The following FAM53B variants were observed in gnomAD, a reference collection of about 807,000 sequenced individuals.
The protein encoded by FAM53B is protein FAM53B.
In FAM53B, 12 loss-of-function variants were observed where a neutral mutation model predicts 32.7. The ratio of observed to expected loss-of-function variants is 0.37; its 90% CI spans 0.24 to 0.59. The LOEUF is 0.59. FAM53B is among the 20% of genes least tolerant of loss of function. The pLI, the probability that FAM53B is intolerant of heterozygous loss-of-function variation, is 0.72. For missense variants in FAM53B, 477 were observed against 577.7 expected, an observed-to-expected ratio of 0.83 and a Z score of 1.79; for synonymous variants, 234 against 228.7, an observed-to-expected ratio of 1.02 and a Z score of -0.21.
intron 4 of FAM53B, among the ~76,000 whole-genome samples, chr10:124,650,372 G>T (rs1304562885): frequency 6.6e-6 from 1 of 152,194 alleles, no homozygotes; most frequent in Non-Finnish European, 1.5e-5. Flanking sequence ...GACCCTCCAC[G>T]CTGGATGATG....
intron 4 of FAM53B, among the ~76,000 whole-genome samples, chr10:124,658,824 G>A (rs2134055247): frequency 6.6e-6 from 1 of 152,324 alleles, no homozygotes; most frequent in East Asian, 1.9e-4. Flanking sequence ...GTGTCCGCCT[G>A]TCAAAGCTTC....
chr10:124,686,940 C>G (rs186453752), intron 3 of FAM53B, among the ~76,000 whole-genome samples: 34 of 152,336 alleles, frequency 2.2e-4, no homozygotes, highest in Admixed American at 2.0e-3. Context: ...TTGACAGAGT[C>G]ACGTCTAAAA....
intron 4 of FAM53B, among the ~76,000 whole-genome samples, chr10:124,626,437 AG>A (rs1949356410): frequency 9.4e-6 from 1 of 106,164 alleles, no homozygotes; most frequent in Non-Finnish European, 2.0e-5. Flanking sequence ...GGCCTCTGGG[AG>A]GTGATGAGGT....
chr10:124,683,455 G>A (rs1192515008), intron 3 of FAM53B, among the ~76,000 whole-genome samples: 1 of 152,220 alleles, frequency 6.6e-6, no homozygotes, highest in Admixed American at 6.5e-5. Flanking sequence ...AAGAATAGAA[G>A]TGAAACCTGA....
At chr10:124,723,031 T>C (rs928835743) in intron 1 of FAM53B, among the ~76,000 whole-genome samples, 7 of 152,208 alleles carry the variant, frequency 4.6e-5, no homozygotes, top group African/African-American at 1.7e-4. Context: ...CCTCATCTTT[T>C]AGACTCAGCT....
rs146385879 is a variant in FAM53B, at chr10:124,620,703, G to A, written c.*2539C>T. 6.6e-6 allele frequency: 1 copy of A among 152,500 alleles called. No homozygotes were observed. Among genetic ancestry groups the A allele is most frequent in the Non-Finnish European group, 1.5e-5 (1 of 68,252 alleles). The allele number at this position is 152,500 out of a possible 1,614,324, so 9.4% of individuals were successfully genotyped here. ...CTCCGGGCAGTGTGGCAGCTTGGATGATGGGGTGGCACCTTATAGATAGGG... is the reference window on the plus strand; with the variant it reads ...CTCCGGGCAGTGTGGCAGCTTGGATAATGGGGTGGCACCTTATAGATAGGG... On this transcript the variant is annotated 3_prime_UTR_variant, in exon 5 of 5. Transcript: ENST00000337318.
intron 3 of FAM53B, among the ~76,000 whole-genome samples, chr10:124,689,527 G>C (rs145552636): frequency 6.6e-6 from 1 of 152,322 alleles, no homozygotes; most frequent in African/African-American, 2.4e-5. Flanking sequence ...CAGCAACACA[G>C]GACACCAAGT....
chr10:124,719,518 TTCC>T (rs773050085), intron 1 of FAM53B, among the ~76,000 whole-genome samples: 6 of 152,168 alleles, frequency 3.9e-5, no homozygotes, highest in Non-Finnish European at 7.3e-5. Context: ...AGTAATCATC[TTCC>T]TCGTTAGAAA....
At chr10:124,683,814 C>T (rs919118864) in intron 3 of FAM53B, among the ~76,000 whole-genome samples, 2 of 152,230 alleles carry the variant, frequency 1.3e-5, no homozygotes, top group Admixed American at 1.3e-4. Context: ...AGATTTAACC[C>T]ATGAGTGCTC....
At chr10:124,737,145 C>G (rs985341007) in intron 1 of FAM53B, among the ~76,000 whole-genome samples, 2 of 152,332 alleles carry the variant, frequency 1.3e-5, no homozygotes, top group Admixed American at 1.3e-4. Context: ...GGACACCCAG[C>G]AGATGTCCAA....
intron 3 of FAM53B, among the ~76,000 whole-genome samples, chr10:124,687,644 T>C (rs1949810596): frequency 6.6e-6 from 1 of 152,168 alleles, no homozygotes; most frequent in African/African-American, 2.4e-5. Flanking sequence ...GACTAGGATT[T>C]CTCAAAGTGT....
intron 4 of FAM53B, among the ~76,000 whole-genome samples, chr10:124,668,292 G>A (rs937898870): frequency 7.9e-5 from 12 of 152,242 alleles, no homozygotes; most frequent in African/African-American, 2.7e-4. Flanking sequence ...GGCCTAAGCT[G>A]TTTCTGAGCA....
intron 4 of FAM53B, among the ~76,000 whole-genome samples, chr10:124,641,727 C>T (rs1452224642): frequency 6.6e-6 from 1 of 152,162 alleles, no homozygotes; most frequent in East Asian, 1.9e-4. Flanking sequence ...TCCTTGGGAG[C>T]CAGAGAGGAG....
intron 4 of FAM53B, chr10:124,671,126 C>T (rs1208544200): frequency 2.2e-6 from 1 of 451,400 alleles, no homozygotes; most frequent in Non-Finnish European, 4.5e-6. Flanking sequence ...GCTTCCTGTG[C>T]TGTCACCGTC....
At chr10:124,692,084 T>C (rs1949836127) in intron 3 of FAM53B, among the ~76,000 whole-genome samples, 1 of 152,110 alleles carries the variant, frequency 6.6e-6, no homozygotes, top group African/African-American at 2.4e-5. Flanking sequence ...GCAAAGAAGG[T>C]GGACTGGGGA....
Position 124,661,867 on chromosome 10 carries a change from G to A in FAM53B, c.906+19740C>T, listed in dbSNP as rs540176068. Among the ~76,000 whole-genome samples the A allele has an allele frequency of 4.6e-5, 7 of 152,342 alleles. No homozygotes were observed. In the South Asian group the frequency reaches 8.3e-4, roughly 18 times the overall value. ...TTAGACTGTCTTACATGGCTCTGACGGCTGGCCTAGCAGGGGCCAGAGCAA... is the reference window on the plus strand; with the variant it reads ...TTAGACTGTCTTACATGGCTCTGACAGCTGGCCTAGCAGGGGCCAGAGCAA... On this transcript the variant is annotated intron_variant, in intron 4 of 4. Coordinates refer to ENST00000337318, the MANE Select transcript of FAM53B (RefSeq NM_014661.4).
At chr10:124,684,786 T>G (rs1949792593) in intron 3 of FAM53B, among the ~76,000 whole-genome samples, 2 of 152,224 alleles carry the variant, frequency 1.3e-5, no homozygotes, top group African/African-American at 4.8e-5. Context: ...CCCAAAGTGC[T>G]GGGATTACAG....
intron 4 of FAM53B, among the ~76,000 whole-genome samples, chr10:124,658,405 C>A (rs1018090402): frequency 6.6e-6 from 1 of 152,332 alleles, no homozygotes; most frequent in Admixed American, 6.5e-5. Flanking sequence ...CATCCCTACC[C>A]TGGTTACATG....
chr10:124,649,047 A>G (rs1949539133), intron 4 of FAM53B, among the ~76,000 whole-genome samples: 1 of 152,234 alleles, frequency 6.6e-6, no homozygotes, highest in South Asian at 2.1e-4. Context: ...GCAGCAGTGG[A>G]AGGCCAGGTC....
Sources: allele counts gnomAD v4.1 joint callset (sites outside exome capture counted in the v4.1 genomes callset), GRCh38; gene constraint gnomAD v4.1.1; transcripts MANE v1.5; gene names NCBI Gene and HGNC (gene_info 2026-07-23, HGNC 2026-07-21).